The following PAWR variants were observed in gnomAD, a reference collection of about 807,000 sequenced individuals.
PAWR encodes the protein PRKC apoptosis WT1 regulator protein.
In PAWR, 23 loss-of-function variants were observed where a neutral mutation model predicts 32.0. The ratio of observed to expected loss-of-function variants is 0.72; its 90% CI spans 0.52 to 1.02. The LOEUF (loss-of-function observed/expected upper bound fraction) is 1.02. PAWR is among the 50% of genes least tolerant of loss of function. PAWR has a pLI of 0.00. For missense variants in PAWR, 457 were observed against 437.7 expected (o/e 1.04, Z -0.39); for synonymous variants, 226 against 187.1 (o/e 1.21, Z -1.70).
chr12:79,594,413 T>G lies in PAWR; in HGVS notation c.852A>C (p.Gln284His). Residue 284 changes from glutamine (Q) to histidine (H), a missense_variant, in exon 6 of 7, where the codon CAA becomes CAC. Coordinates refer to ENST00000328827, the MANE Select transcript of PAWR (RefSeq NM_002583.4). ...TCAGTCTCACAAGTCTTAGGTTTTC[T>G]TGTCTTTCTCTTACTACTTCCTGGT... ...DLEKEVVRER[Q>H]ENLRLVRLMQ... is the part of the protein sequence containing the mutation. 6.5e-7 allele frequency: 1 copy of G among 1,541,918 alleles called. No homozygotes were observed. The highest frequency in any genetic ancestry group is 8.9e-7 in the Non-Finnish European group (1 of 1,125,360).
chr12:79,626,298 C>T (rs1300539847), intron 2 of PAWR, among the ~76,000 whole-genome samples: 31 of 147,648 alleles, frequency 2.1e-4, no homozygotes, highest in African/African-American at 6.5e-4. Context: ...CTTGCTGTGT[C>T]GCCCAGGCTG....
At chr12:79,652,937 C>G (rs1478548378) in intron 2 of PAWR, among the ~76,000 whole-genome samples, 1 of 152,178 alleles carries the variant, frequency 6.6e-6, no homozygotes, top group African/African-American at 2.4e-5. Flanking sequence ...ATAGCTTTAT[C>G]TGCCTACAAC....
At chr12:79,610,015 C>T (rs779524816) in intron 4 of PAWR, among the ~76,000 whole-genome samples, 11 of 152,212 alleles carry the variant, frequency 7.2e-5, no homozygotes, top group Middle Eastern at 3.2e-3. Flanking sequence ...CTTGCACCTG[C>T]TCACCTGTGC....
intron 5 of PAWR, among the ~76,000 whole-genome samples, chr12:79,595,402 C>A (rs141202628): frequency 6.6e-6 from 1 of 152,350 alleles, no homozygotes; most frequent in Non-Finnish European, 1.5e-5. Flanking sequence ...CTTACTAAAC[C>A]TCCTACAGAG....
chr12:79,667,257 T>C lies in PAWR; in HGVS notation c.516+22472A>G, dbSNP rs150691337. Among the ~76,000 whole-genome samples, 241 of 152,292 alleles carry C rather than the reference T, an allele frequency of 1.6e-3. 1 individual carries two copies. The highest frequency in any genetic ancestry group is 5.5e-3 in the African/African-American group (227 of 41,566). On this transcript the variant is annotated intron_variant, in intron 2 of 6. Transcript: ENST00000328827. Reference sequence around the variant, plus strand: ...GCTGATCTAGGCAATTTACCAGTGATTGCTGACATAGAAAAAGAACTGACT... The same window carrying C: ...GCTGATCTAGGCAATTTACCAGTGACTGCTGACATAGAAAAAGAACTGACT...
intron 2 of PAWR, among the ~76,000 whole-genome samples, chr12:79,638,862 T>TTA (rs1876105024): frequency 3.9e-5 from 1 of 25,428 alleles, no homozygotes; most frequent in Non-Finnish European, 7.1e-5. Context: ...TGAGATGGAG[T>TTA]CATATATATA....
intron 4 of PAWR, among the ~76,000 whole-genome samples, chr12:79,612,876 AT>A (rs1207915195): frequency 6.6e-6 from 1 of 152,164 alleles, no homozygotes; most frequent in African/African-American, 2.4e-5. Context: ...ACACAAACAC[AT>A]TCTCTGGTTA....
intron 2 of PAWR, among the ~76,000 whole-genome samples, chr12:79,665,426 A>G (rs1592542688): frequency 6.6e-6 from 1 of 152,236 alleles, no homozygotes; most frequent in South Asian, 2.1e-4. Context: ...ATGACTATTT[A>G]AACTGCCAAA....
In PAWR at chr12:79,594,442, T is replaced by C. The variant is rs1421949676; in HGVS notation, c.832-9A>G. The C allele has an allele frequency of 7.6e-7, 1 of 1,310,106 alleles. No individual in the cohort carries two copies. Among genetic ancestry groups the C allele is most frequent in the South Asian group, 1.3e-5 (1 of 78,786 alleles). 81.2% of individuals were successfully genotyped at this position (1,310,106 alleles called of 1,614,324 possible). On this transcript the variant is annotated splice_polypyrimidine_tract_variant and intron_variant, in intron 5 of 6. Coordinates refer to ENST00000328827, the MANE Select transcript of PAWR (RefSeq NM_002583.4). ...CTTTCTCTTACTACTTCCTGGTAGATACAATTAAAAACCAGTAATTAGGAA... is the reference window on the plus strand; with the variant it reads ...CTTTCTCTTACTACTTCCTGGTAGACACAATTAAAAACCAGTAATTAGGAA...
chr12:79,649,686 G>A (rs1168410195), intron 2 of PAWR, among the ~76,000 whole-genome samples: 1 of 152,118 alleles, frequency 6.6e-6, no homozygotes, highest in Non-Finnish European at 1.5e-5. Flanking sequence ...AACTGCTTGG[G>A]AGGCTGAGGT....
At chr12:79,602,828 A>C (rs1489396102) in intron 4 of PAWR, among the ~76,000 whole-genome samples, 1 of 150,698 alleles carries the variant, frequency 6.6e-6, no homozygotes, top group Non-Finnish European at 1.5e-5. Flanking sequence ...CTGGTCTCAA[A>C]CTCCTGGCTT....
chr12:79,653,732 G>A, intron 2 of PAWR, among the ~76,000 whole-genome samples: 1 of 152,262 alleles, frequency 6.6e-6, no homozygotes, highest in East Asian at 1.9e-4. Flanking sequence ...GCCCGCCTCG[G>A]CCTCCCAAAG....
chr12:79,672,118 CT>C (rs1404686445), intron 2 of PAWR, among the ~76,000 whole-genome samples: 1 of 152,138 alleles, frequency 6.6e-6, no homozygotes, highest in Non-Finnish European at 1.5e-5. Context: ...TCCATGGCCC[CT>C]ACCTCCCACC....
intron 2 of PAWR, among the ~76,000 whole-genome samples, chr12:79,674,992 CA>C (rs1487496902): frequency 6.6e-6 from 1 of 152,152 alleles, no homozygotes; most frequent in Non-Finnish European, 1.5e-5. Context: ...CTGTGGAAAG[CA>C]GTTTGGAGAT....
intron 5 of PAWR, 124 bp downstream of exon 5, chr12:79,596,387 G>T: frequency 1.8e-6 from 1 of 561,642 alleles, no homozygotes; most frequent in South Asian, 2.9e-5. Context: ...GGTAACAGTT[G>T]GCAGAAAAGC....
At chr12:79,593,856 C>T (rs1006083656) in intron 6 of PAWR, among the ~76,000 whole-genome samples, 2 of 151,460 alleles carry the variant, frequency 1.3e-5, no homozygotes, top group Non-Finnish European at 2.9e-5. Context: ...GTGCCCACCA[C>T]CATGCCCAGC....
intron 4 of PAWR, among the ~76,000 whole-genome samples, chr12:79,608,212 A>T (rs1310851086): frequency 6.6e-6 from 1 of 152,180 alleles, no homozygotes; most frequent in Non-Finnish European, 1.5e-5. Flanking sequence ...CTTGAGAATG[A>T]GGTTGAGAAC....
intron 2 of PAWR, among the ~76,000 whole-genome samples, chr12:79,654,400 C>T (rs1181433692): frequency 6.8e-6 from 1 of 146,866 alleles, no homozygotes; most frequent in African/African-American, 2.7e-5. Flanking sequence ...TCATTTCTAA[C>T]ACACTGGTTC....
intron 2 of PAWR, among the ~76,000 whole-genome samples, chr12:79,629,001 G>A (rs1298559420): frequency 2.0e-5 from 3 of 152,054 alleles, no homozygotes; most frequent in South Asian, 4.2e-4. Flanking sequence ...TAAAGCAACT[G>A]CTTTAAAAGC....
Sources: allele counts gnomAD v4.1 joint callset (sites outside exome capture counted in the v4.1 genomes callset), GRCh38; gene constraint gnomAD v4.1.1; transcripts MANE v1.5; gene names NCBI Gene and HGNC (gene_info 2026-07-23, HGNC 2026-07-21).